The following PCDHA1 variants were observed in gnomAD, a reference collection of about 807,000 sequenced individuals.
PCDHA1 encodes protocadherin alpha 1.
A neutral mutation model predicts 61.3 loss-of-function variants in PCDHA1; 42 were observed. The ratio of observed to expected loss-of-function variants is 0.69; its 90% CI spans 0.54 to 0.89. The LOEUF is 0.89. Among genes scored for constraint, PCDHA1 ranks in the 40% least tolerant of loss-of-function variants. PCDHA1 has a pLI of 0.00. For missense variants in PCDHA1, 1,256 were observed against 1,235.3 expected, an observed-to-expected ratio of 1.02 and a Z score of -0.25; for synonymous variants, 610 against 553.8, an observed-to-expected ratio of 1.10 and a Z score of -1.43.
chr5:140,996,918 A>T lies in PCDHA1; in HGVS notation c.2543-12709A>T, dbSNP rs10036183. On this transcript the variant is annotated intron_variant, in intron 3 of 3. Transcript: ENST00000504120. ...GAATTACATTGTTGAAGTAAATATT[A>T]AAAAATATAGCATTTTTGCATAGAA... Among the ~76,000 whole-genome samples, 492 of 152,328 alleles carry T rather than the reference A, an allele frequency of 3.2e-3. 4 individuals are homozygous for T. Among genetic ancestry groups the T allele is most frequent in the African/African-American group, 0.011 (464 of 41,562 alleles).
chr5:140,967,548 C>G (rs782750678), intron 1 of PCDHA1: 1 of 1,613,922 alleles, frequency 6.2e-7, no homozygotes, highest in Admixed American at 1.7e-5. Flanking sequence ...GACCAGTCCA[C>G]TTATCGCGTC....
rs2150362585 is a variant in PCDHA1 at position 140,843,552 on chromosome 5, C to A, written c.2394+54868C>A. 3 of 1,595,800 alleles carry A rather than the reference C, an allele frequency of 1.9e-6. 1 individual carries two copies. The highest frequency in any genetic ancestry group is 4.5e-5 in the East Asian group (2 of 44,828). On this transcript the variant is annotated intron_variant, in intron 1 of 3. Coordinates refer to ENST00000504120, the MANE Select transcript of PCDHA1 (RefSeq NM_018900.4). ...AAGCCCACTCTGGTGTGCTCCAGTGCGGTGGGGAGCTGGTCATACTCGCAA... is the reference window on the plus strand; with the variant it reads ...AAGCCCACTCTGGTGTGCTCCAGTGAGGTGGGGAGCTGGTCATACTCGCAA...
chr5:140,833,155 A>G (rs2150206613), intron 1 of PCDHA1, among the ~76,000 whole-genome samples: 1 of 152,342 alleles, frequency 6.6e-6, no homozygotes, highest in South Asian at 2.1e-4. Flanking sequence ...CAATACGAAT[A>G]AAAAGTATTA....
rs782293908 is a variant in PCDHA1, at chr5:140,870,195, C to A, written c.2394+81511C>A. 3.1e-6 allele frequency: 5 copies of A among 1,614,178 alleles called. No individual in the cohort carries two copies. In the South Asian group the frequency reaches 5.5e-5, roughly 18 times the overall value. On this transcript the variant is annotated intron_variant, in intron 1 of 3. Transcript: ENST00000504120. ...TCCCAGTACGAGAGGACGCTCAGCC[C>A]AGCACGGTCATTGCCCTGATCAGCG...
intron 1 of PCDHA1, chr5:140,803,085 G>A: frequency 6.2e-7 from 1 of 1,613,924 alleles, no homozygotes; most frequent in African/African-American, 1.3e-5. Context: ...GTACACGGGA[G>A]AGATCAGCAC....
chr5:140,850,087 TAC>T (rs2041337151), intron 1 of PCDHA1: 1 of 1,596,398 alleles, frequency 6.3e-7, no homozygotes, highest in African/African-American at 1.3e-5. Context: ...CTGGAGCTGC[TAC>T]AGTTCCAGGT....
In PCDHA1 at chr5:140,788,671, A is replaced by G. The variant is rs782322992; in HGVS notation, c.2381A>G (p.Asp794Gly). ...AATGAACAACCAGAAGCAAATTTGG[A>G]TCTTTCTGGTAATGTAAGTCCAACT... ...ERNEQPEANL[D>G]LSGNPRQPNP... Residue 794 changes from aspartate to glycine, a missense_variant, in exon 1 of 4, where the codon GAT becomes GGT. Asp to Gly is a moderately conservative substitution (Grantham distance 94). Coordinates refer to ENST00000504120, the MANE Select transcript of PCDHA1 (RefSeq NM_018900.4). 6.4e-7 allele frequency: 1 copy of G among 1,567,334 alleles called. No individual in the cohort carries two copies. The highest frequency in any genetic ancestry group is 1.2e-5 in the South Asian group (1 of 84,968).
chr5:140,968,488 C>A, intron 1 of PCDHA1: 1 of 1,614,148 alleles, frequency 6.2e-7, no homozygotes, highest in South Asian at 1.1e-5. Context: ...ACATGAATGA[C>A]CATGCCCCTC....
intron 1 of PCDHA1, among the ~76,000 whole-genome samples, chr5:140,925,742 AAG>A (rs1403200881): frequency 2.0e-5 from 3 of 151,862 alleles, no homozygotes; most frequent in South Asian, 4.2e-4. Context: ...TATTTACAGA[AAG>A]AAAATTTACA....
In PCDHA1 at chr5:141,000,054, A is replaced by G. The variant is rs189634054; in HGVS notation, c.2543-9573A>G. On this transcript the variant is annotated intron_variant, in intron 3 of 3. Coordinates refer to ENST00000504120, the MANE Select transcript of PCDHA1 (RefSeq NM_018900.4). ...CCAATCACACACACACCACTCTCCC[A>G]GCTGCTCTGTAGATCACAATGCTAG... Among the ~76,000 whole-genome samples the G allele has an allele frequency of 4.0e-3, 609 of 152,230 alleles. 3 individuals carry two copies. Among genetic ancestry groups the G allele is most frequent in the African/African-American group, 0.014 (564 of 41,556 alleles).
In PCDHA1 at chr5:140,912,862, T is replaced by C. The variant is rs181526076; in HGVS notation, c.2395-66087T>C. On this transcript the variant is annotated intron_variant, in intron 1 of 3. Coordinates refer to ENST00000504120, the MANE Select transcript of PCDHA1 (RefSeq NM_018900.4). Reference sequence around the variant, plus strand: ...GCTTTTTCAGCATCAATTGAAATGATATATGGTTTTTGGTCTTCATTCTGT... The same window carrying C: ...GCTTTTTCAGCATCAATTGAAATGACATATGGTTTTTGGTCTTCATTCTGT... Among the ~76,000 whole-genome samples, 6 of 152,338 alleles carry C rather than the reference T, an allele frequency of 3.9e-5. No individual in the cohort carries two copies. In the East Asian group the frequency reaches 1.2e-3, roughly 29 times the overall value.
At position 140,828,503 on chromosome 5, in the gene PCDHA1, C is replaced by G. The variant is rs1165644843; in HGVS notation, c.2394+39819C>G. ...CCCGCCCTTGTTCCCGGTAGAGGAA[C>G]AAAGAGTGCTGATTTACGAATCTAG... On this transcript the variant is annotated intron_variant, in intron 1 of 3. Coordinates refer to ENST00000504120, the MANE Select transcript of PCDHA1 (RefSeq NM_018900.4). 1.5e-5 allele frequency: 25 copies of G among 1,614,120 alleles called. No homozygotes were observed. In the Admixed American group the frequency reaches 3.7e-4, roughly 24 times the overall value.
intron 1 of PCDHA1, chr5:140,801,161 A>G: frequency 6.5e-7 from 1 of 1,537,562 alleles, no homozygotes; most frequent in Non-Finnish European, 8.7e-7. Context: ...ACTTTGGATC[A>G]ATGTAAAGGC....
chr5:140,924,896 AAAAAAAAAAT>A (rs1244420537), intron 1 of PCDHA1, among the ~76,000 whole-genome samples: 4 of 69,138 alleles, frequency 5.8e-5, no homozygotes, highest in African/African-American at 1.0e-4. Flanking sequence ...ACCTGTCTCA[AAAAAAAAAAT>A]AAAATAAAAT....
intron 1 of PCDHA1, among the ~76,000 whole-genome samples, chr5:140,956,898 T>G (rs1554222699): frequency 6.6e-6 from 1 of 152,218 alleles, no homozygotes; most frequent in Admixed American, 6.6e-5. Flanking sequence ...ATGAATATTC[T>G]TAAATGTATA....
At chr5:140,861,509 G>A (rs2046952597) in intron 1 of PCDHA1, 1 of 479,912 alleles carries the variant, frequency 2.1e-6, no homozygotes, top group Non-Finnish European at 4.3e-6. Context: ...ACCTCGAGGA[G>A]CTGTGTGGGA....
intron 1 of PCDHA1, chr5:140,796,089 G>T: frequency 6.2e-7 from 1 of 1,614,136 alleles, no homozygotes; most frequent in Non-Finnish European, 8.5e-7. Flanking sequence ...TCACGGTGTC[G>T]GATCGCGACT....
chr5:140,786,295 T>A lies in PCDHA1; in HGVS notation c.5T>A (p.Val2Glu), dbSNP rs782815458. ...GAAAGGTGTAGTCCTTTTGCAATGG[T>A]GTTTTCTAGGAGAGGGGGCCTGGGA... M[V>E]FSRRGGLGAR... Residue 2 changes from valine to glutamate, a missense_variant, in exon 1 of 4, where the codon GTG (valine) becomes GAG (glutamate). Physicochemically the swap from Val to Glu is moderately radical, Grantham distance 121. Coordinates refer to ENST00000504120, the MANE Select transcript of PCDHA1 (RefSeq NM_018900.4). 2.3e-5 allele frequency: 37 copies of A among 1,599,652 alleles called. No homozygotes were observed. Among genetic ancestry groups the A allele is most frequent in the Non-Finnish European group, 3.0e-5 (35 of 1,173,438 alleles).
chr5:140,861,875 G>A (rs536316247), intron 1 of PCDHA1: 3 of 156,086 alleles, frequency 1.9e-5, no homozygotes, highest in African/African-American at 7.2e-5. Context: ...TGGGGGCGAA[G>A]CTGAGCTGAC....
Sources: allele counts gnomAD v4.1 joint callset (sites outside exome capture counted in the v4.1 genomes callset), GRCh38; gene constraint gnomAD v4.1.1; transcripts MANE v1.5; gene names NCBI Gene and HGNC (gene_info 2026-07-23, HGNC 2026-07-21).